The following HERC1 variants were observed in gnomAD, a reference collection of about 807,000 sequenced individuals.
HERC1 encodes HECT and RLD domain containing E3 ubiquitin protein ligase family member 1.
A neutral mutation model predicts 554.3 loss-of-function variants in HERC1; 160 were observed. The observed-to-expected ratio is 0.29, with a 90% confidence interval of 0.25 to 0.33. The LOEUF is 0.33. Among genes scored for constraint, HERC1 ranks in the 10% least tolerant of loss-of-function variants. HERC1 has a pLI of 1.00. For synonymous variants in HERC1, 2,175 were observed against 2,131.7 expected, an observed-to-expected ratio of 1.02 and a Z score of -0.56; for missense variants, 4,919 against 5,918.5, an observed-to-expected ratio of 0.83 and a Z score of 5.54.
chr15:63,640,572 A>T (rs1317305467), intron 60 of HERC1, 127 bp from the exon 61 acceptor site: 7 of 785,818 alleles, frequency 8.9e-6, no homozygotes, highest in African/African-American at 1.7e-5. Context: ...TTGCTAGGAA[A>T]TAATTTTAGA....
intron 45 of HERC1, 44 bp downstream of exon 45, chr15:63,661,709 A>G: frequency 1.3e-6 from 2 of 1,584,352 alleles, no homozygotes; most frequent in Non-Finnish European, 1.7e-6. Flanking sequence ...TTAAGGTATG[A>G]GGTATCTTCA....
At chr15:63,735,757 T>C (rs2074476548) in intron 12 of HERC1, among the ~76,000 whole-genome samples, 1 of 152,174 alleles carries the variant, frequency 6.6e-6, no homozygotes, top group Admixed American at 6.5e-5. Context: ...AATGTTCTAT[T>C]AATAATTATT....
Position 63,694,984 on chromosome 15 carries a change from G to A in HERC1, c.5122-90C>T, listed in dbSNP as rs1010268098. The A allele has an allele frequency of 2.6e-5, 30 of 1,158,444 alleles. No homozygotes were observed. Among genetic ancestry groups the A allele is most frequent in the Non-Finnish European group, 3.6e-5 (30 of 836,890 alleles). 71.8% of individuals were successfully genotyped at this position (1,158,444 alleles called of 1,614,324 possible). On this transcript the variant is annotated intron_variant, in intron 27 of 77. Transcript: ENST00000443617. This position sits in a 1 kb window ranked among gnomAD's most constrained non-coding sequence, Gnocchi z 4.3. ...TAATAACATTTTATTTCTAGTCTAT[G>A]CTAGAGCCTTACGATGGTTTTTAAT...
At chr15:63,726,121 A>G (rs751356861) in intron 17 of HERC1, among the ~76,000 whole-genome samples, 5 of 152,140 alleles carry the variant, frequency 3.3e-5, no homozygotes, top group Non-Finnish European at 5.9e-5. Context: ...AGCTGGGAGT[A>G]TAGGTGTGCA....
In HERC1 at chr15:63,692,080, T is replaced by C. The variant is rs2072146138; in HGVS notation, c.5830+331A>G. Among the ~76,000 whole-genome samples, 1 of 152,208 alleles carries C rather than the reference T, an allele frequency of 6.6e-6. No homozygotes were observed. Among genetic ancestry groups the C allele is most frequent in the Non-Finnish European group, 1.5e-5 (1 of 68,038 alleles). On this transcript the variant is annotated intron_variant, in intron 31 of 77. Coordinates refer to ENST00000443617, the MANE Select transcript of HERC1 (RefSeq NM_003922.4). The surrounding 1 kb of genome is among the most constrained non-coding windows in gnomAD (Gnocchi z 4.7). ...ACTGTACAAATTCAGATCTGCATCC[T>C]GATAATCCAAGAAGCAAGGTCGGAA...
chr15:63,684,005 T>C (rs1446830916), intron 34 of HERC1, among the ~76,000 whole-genome samples: 1 of 152,244 alleles, frequency 6.6e-6, no homozygotes, highest in Non-Finnish European at 1.5e-5. Flanking sequence ...TCTGGGACTG[T>C]TGTGGATTTG....
intron 42 of HERC1, 35 bp from the exon 43 acceptor site, chr15:63,664,629 T>C (rs150959717): frequency 6.3e-6 from 10 of 1,595,810 alleles, no homozygotes; most frequent in South Asian, 2.2e-5. Flanking sequence ...CACAAAGTTT[T>C]TGAAACCATT....
intron 55 of HERC1, among the ~76,000 whole-genome samples, chr15:63,647,011 T>C (rs570513886): frequency 6.6e-6 from 1 of 151,998 alleles, no homozygotes; most frequent in African/African-American, 2.4e-5. Context: ...TCCCAGCACT[T>C]TGGGAGGCTG....
intron 34 of HERC1, among the ~76,000 whole-genome samples, chr15:63,685,814 T>TGGGGGAACTTGAC (rs1203501808): frequency 6.6e-6 from 1 of 152,256 alleles, no homozygotes; most frequent in African/African-American, 2.4e-5. Context: ...TTGGCTGGCA[T>TGGGGGAACTTGAC]GGGGGAACTT....
intron 1 of HERC1, among the ~76,000 whole-genome samples, chr15:63,783,559 T>G (rs2076349224): frequency 6.6e-6 from 1 of 152,262 alleles, no homozygotes; most frequent in South Asian, 2.1e-4. Flanking sequence ...TACTATGACA[T>G]TGGCTTTATT....
chr15:63,617,385 C>A (rs559880838), intron 74 of HERC1, among the ~76,000 whole-genome samples: 54 of 152,322 alleles, frequency 3.5e-4, no homozygotes, highest in Non-Finnish European at 6.9e-4. Context: ...ATAAGTGCCA[C>A]ATTTTCTTAA....
chr15:63,676,533 G>A (rs2071218216), intron 37 of HERC1, among the ~76,000 whole-genome samples: 1 of 152,068 alleles, frequency 6.6e-6, no homozygotes, highest in South Asian at 2.1e-4. Context: ...GAGGCAGGTG[G>A]ATCACTTGAG....
chr15:63,753,505 T>C (rs1043801276), intron 7 of HERC1, among the ~76,000 whole-genome samples: 6 of 151,974 alleles, frequency 3.9e-5, no homozygotes, highest in Non-Finnish European at 5.9e-5. Flanking sequence ...AATCAATAGC[T>C]CATGAAATTG....
In HERC1 at chr15:63,758,820, C is replaced by T. The variant is rs2075514172; in HGVS notation, c.1027-451G>A. On this transcript the variant is annotated intron_variant, in intron 3 of 77. Coordinates refer to ENST00000443617, the MANE Select transcript of HERC1 (RefSeq NM_003922.4). This position sits in a 1 kb window ranked among gnomAD's most constrained non-coding sequence, Gnocchi z 4.0. ...AAAGAGTCATGCAAATCCATGCCTACCTAGTCTTCATGATTGAATAGATAA... is the reference window on the plus strand; with the variant it reads ...AAAGAGTCATGCAAATCCATGCCTATCTAGTCTTCATGATTGAATAGATAA... Among the ~76,000 whole-genome samples, 1 of 152,170 alleles carries T rather than the reference C, an allele frequency of 6.6e-6. No individual in the cohort carries two copies. The highest frequency in any genetic ancestry group is 1.9e-4 in the East Asian group (1 of 5,184).
chr15:63,635,916 A>C, intron 65 of HERC1, 45 bp downstream of exon 65: 1 of 1,581,476 alleles, frequency 6.3e-7, no homozygotes, highest in South Asian at 1.1e-5. Context: ...TTCAACAACT[A>C]GTATATTTAC....
At chr15:63,665,639 C>A (rs2070591656) in intron 42 of HERC1, among the ~76,000 whole-genome samples, 1 of 152,180 alleles carries the variant, frequency 6.6e-6, no homozygotes, top group Non-Finnish European at 1.5e-5. Context: ...ATTTTATTAG[C>A]ATGTTTACTT....
intron 56 of HERC1, among the ~76,000 whole-genome samples, 190 bp downstream of exon 56, chr15:63,645,293 T>C (rs1282237454): frequency 6.6e-6 from 1 of 152,188 alleles, no homozygotes; most frequent in Non-Finnish European, 1.5e-5. Context: ...ATAAGGAGAT[T>C]ACATACCAAG....
Position 63,635,890 on chromosome 15 carries a change from A to G in HERC1, c.12414+71T>C, listed in dbSNP as rs28629789. On this transcript the variant is annotated intron_variant, in intron 65 of 77. Coordinates refer to ENST00000443617, the MANE Select transcript of HERC1 (RefSeq NM_003922.4). Reference sequence around the variant, plus strand: ...ATTTTTACTATATTTTCTGTTACCTAATTTTAAGAAACCTATTCAACAACT... The same window carrying G: ...ATTTTTACTATATTTTCTGTTACCTGATTTTAAGAAACCTATTCAACAACT... 1,428 of 1,468,030 alleles carry G rather than the reference A, an allele frequency of 9.7e-4. 8 individuals carry two copies. In the African/African-American group the frequency reaches 0.017, roughly 17 times the overall value. The allele number at this position is 1,468,030 out of a possible 1,614,324, so 90.9% of individuals were successfully genotyped here.
intron 70 of HERC1, 88 bp downstream of exon 70, chr15:63,628,589 G>T (rs1269198739): frequency 3.6e-5 from 48 of 1,336,474 alleles, no homozygotes; most frequent in Non-Finnish European, 4.7e-5. Flanking sequence ...AACGATGCTG[G>T]ATACAGTTGG....
Sources: allele counts gnomAD v4.1 joint callset (sites outside exome capture counted in the v4.1 genomes callset), GRCh38; gene constraint gnomAD v4.1.1; non-coding constraint Gnocchi (gnomAD v3.1); transcripts MANE v1.5; gene names NCBI Gene and HGNC (gene_info 2026-07-23, HGNC 2026-07-21).